The following CDC42BPA variants were observed in gnomAD, a reference collection of about 807,000 sequenced individuals.
The protein encoded by CDC42BPA is CDC42 binding protein kinase alpha, also known as serine/threonine-protein kinase MRCK alpha.
CDC42BPA carries 80 observed loss-of-function variants against 223.5 expected under a neutral mutation model. The observed-to-expected ratio is 0.36, with a 90% confidence interval of 0.30 to 0.43. The LOEUF (loss-of-function observed/expected upper bound fraction) is 0.43, where lower values mean the gene tolerates loss of function less well. Ranked by LOEUF, CDC42BPA falls within the 20% of genes least tolerant of loss-of-function variation. CDC42BPA has a pLI of 1.00. For synonymous variants in CDC42BPA, 694 were observed against 718.6 expected (o/e 0.97, Z 0.55); for missense variants, 1,743 against 2,099.9 (o/e 0.83, Z 3.32).
intron 8 of CDC42BPA, among the ~76,000 whole-genome samples, chr1:227,143,551 G>C (rs1242310041): frequency 6.6e-6 from 1 of 152,120 alleles, no homozygotes; most frequent in Non-Finnish European, 1.5e-5. Context: ...GCTTGCAAAG[G>C]CTCCCAAGCA....
At chr1:227,234,493 T>A (rs1678622727) in intron 2 of CDC42BPA, 1 of 152,232 alleles carries the variant, frequency 6.6e-6, no homozygotes, top group African/African-American at 2.4e-5. Context: ...TTTAGACCAA[T>A]AAGAACACCA....
intron 5 of CDC42BPA, among the ~76,000 whole-genome samples, chr1:227,176,218 G>A (rs1223811853): frequency 6.6e-6 from 1 of 152,070 alleles, no homozygotes; most frequent in African/African-American, 2.4e-5. Flanking sequence ...CTCTCAAAGT[G>A]CTAATATTAC....
chr1:226,997,587 A>T (rs9726080), intron 35 of CDC42BPA, among the ~76,000 whole-genome samples: 56,727 of 151,988 alleles, frequency 0.37, 11,322 homozygotes, highest in Non-Finnish European at 0.46. Flanking sequence ...GTGGGCATTT[A>T]GTGCTATAAA....
chr1:227,010,228 A>AG (rs1438942836), intron 34 of CDC42BPA, among the ~76,000 whole-genome samples: 7 of 152,136 alleles, frequency 4.6e-5, no homozygotes, highest in Non-Finnish European at 1.0e-4. Context: ...TTCAGAATAC[A>AG]GCATGCTTTT....
intron 34 of CDC42BPA, chr1:227,010,898 G>C (rs769328769): frequency 7.3e-7 from 1 of 1,364,090 alleles, no homozygotes; most frequent in East Asian, 4.6e-5. Flanking sequence ...ATAAAGCTTG[G>C]TGTACCAGGG....
At chr1:227,268,652 G>GTGTATATA (rs1197850565) in intron 1 of CDC42BPA, among the ~76,000 whole-genome samples, 1 of 138,682 alleles carries the variant, frequency 7.2e-6, no homozygotes, top group Non-Finnish European at 1.5e-5. Flanking sequence ...TAGTGTGTGT[G>GTGTATATA]TATATATATA....
rs1292387936 is a variant in CDC42BPA at position 227,168,497 on chromosome 1, G to GTTTTTTTTTTTTTTTTTTTTTTTTTTTT, written c.600-7862_600-7861insAAAAAAAAAAAAAAAAAAAAAAAAAAAA. Among the ~76,000 whole-genome samples, 9 of 80,212 alleles carry GTTTTTTTTTTTTTTTTTTTTTTTTTTTT rather than the reference G, an allele frequency of 1.1e-4. 3 individuals are homozygous for GTTTTTTTTTTTTTTTTTTTTTTTTTTTT. Among genetic ancestry groups the GTTTTTTTTTTTTTTTTTTTTTTTTTTTT allele is most frequent in the African/African-American group, 2.5e-4 (5 of 20,208 alleles). 52.6% of individuals were successfully genotyped at this position (80,212 alleles called of 152,430 possible). On this transcript the variant is annotated intron_variant, in intron 5 of 36. Transcript: ENST00000366766. ...CTTTTTCATATTTATCTTCCCTGGT[G>GTTTTTTTTTTTTTTTTTTTTTTTTTTTT]TTTTTTTTTTTTTTTTGAGGCAGAG... is the stretch of plus-strand genomic sequence containing the variant.
chr1:227,258,485 T>C (rs1339450703), intron 1 of CDC42BPA, among the ~76,000 whole-genome samples: 1 of 150,944 alleles, frequency 6.6e-6, no homozygotes, highest in Non-Finnish European at 1.5e-5. Context: ...TACAGTTATC[T>C]TGTCATATGA....
chr1:227,315,483 C>T (rs940536028), intron 1 of CDC42BPA, among the ~76,000 whole-genome samples: 1 of 151,594 alleles, frequency 6.6e-6, no homozygotes, highest in Non-Finnish European at 1.5e-5. Flanking sequence ...GGAAAGAATA[C>T]TAAATGACAA....
intron 34 of CDC42BPA, among the ~76,000 whole-genome samples, chr1:227,006,220 A>G (rs1162961802): frequency 6.6e-6 from 1 of 152,212 alleles, no homozygotes; most frequent in East Asian, 1.9e-4. Flanking sequence ...GTATTTACTT[A>G]GAAGATTTAT....
intron 2 of CDC42BPA, among the ~76,000 whole-genome samples, chr1:227,251,422 T>C (rs2148244546): frequency 6.6e-6 from 1 of 151,970 alleles, no homozygotes; most frequent in East Asian, 1.9e-4. Flanking sequence ...AAAACAAATA[T>C]AAAACAAGTA....
intron 14 of CDC42BPA, among the ~76,000 whole-genome samples, chr1:227,107,206 T>C (rs114029471): frequency 2.0e-5 from 3 of 152,338 alleles, no homozygotes; most frequent in African/African-American, 7.2e-5. Context: ...TCCATTTATT[T>C]AGATTTTCTT....
At chr1:227,015,424 A>G (rs1055131084) in intron 34 of CDC42BPA, among the ~76,000 whole-genome samples, 1 of 151,662 alleles carries the variant, frequency 6.6e-6, no homozygotes, top group Non-Finnish European at 1.5e-5. Flanking sequence ...CTCCATCTCA[A>G]AAAAAGAAAA....
intron 1 of CDC42BPA, among the ~76,000 whole-genome samples, chr1:227,287,006 C>T (rs558539559): frequency 7.4e-6 from 1 of 135,606 alleles, no homozygotes; most frequent in African/African-American, 2.8e-5. Flanking sequence ...CCAAGCCATT[C>T]ATGAAAATCT....
In CDC42BPA at chr1:226,993,812, T is replaced by G. The variant is rs1029608961; in HGVS notation, c.*456A>C. 1.1e-4 allele frequency: 17 copies of G among 158,082 alleles called. No homozygotes were observed. Among genetic ancestry groups the G allele is most frequent in the African/African-American group, 3.9e-4 (16 of 41,504 alleles). The allele number at this position is 158,082 out of a possible 1,614,324, so 9.8% of individuals were successfully genotyped here. The stretch of plus-strand genomic sequence containing the variant: ...TGGCAACAATCAGGTTGATACTCAC[T>G]GCGTTTGCTGATTAAGAGCTTAGTG... On this transcript the variant is annotated 3_prime_UTR_variant, in exon 37 of 37. Coordinates refer to ENST00000366766, the MANE Select transcript of CDC42BPA (RefSeq NM_001394014.1).
At chr1:227,154,735 A>C (rs1572018230) in intron 6 of CDC42BPA, among the ~76,000 whole-genome samples, 1 of 152,078 alleles carries the variant, frequency 6.6e-6, no homozygotes, top group South Asian at 2.1e-4. Flanking sequence ...AAACAATAAA[A>C]AGAAACACAA....
At chr1:227,114,769 GT>G (rs1437933284) in intron 12 of CDC42BPA, among the ~76,000 whole-genome samples, 1 of 152,070 alleles carries the variant, frequency 6.6e-6, no homozygotes, top group Non-Finnish European at 1.5e-5. Context: ...GGATTTTCAG[GT>G]TAGAAATACT....
rs1279448305 is a variant in CDC42BPA, at chr1:226,991,916, G to C, written c.*2352C>G. 1 of 148,624 alleles carries C rather than the reference G, an allele frequency of 6.7e-6. No homozygotes were observed. Among genetic ancestry groups the C allele is most frequent in the African/African-American group, 2.5e-5 (1 of 40,374 alleles). The allele number at this position is 148,624 out of a possible 1,614,324, so 9.2% of individuals were successfully genotyped here. On this transcript the variant is annotated 3_prime_UTR_variant, in exon 37 of 37. Coordinates refer to ENST00000366766, the MANE Select transcript of CDC42BPA (RefSeq NM_001394014.1). ...ATGGCCTCCTCCCTGCCTGAGAAGA[G>C]AAGGGAGAGAGGAGAAGGCAAGGGG... is the stretch of plus-strand genomic sequence containing the variant.
chr1:227,190,309 C>A (rs540572924), intron 5 of CDC42BPA, among the ~76,000 whole-genome samples: 1 of 152,292 alleles, frequency 6.6e-6, no homozygotes, highest in East Asian at 1.9e-4. Flanking sequence ...GGCTATGCTA[C>A]TTACTAACTA....
Sources: allele counts gnomAD v4.1 joint callset (sites outside exome capture counted in the v4.1 genomes callset), GRCh38; gene constraint gnomAD v4.1.1; transcripts MANE v1.5; gene names NCBI Gene and HGNC (gene_info 2026-07-23, HGNC 2026-07-21).